SUMF1: variants seen among roughly 807,000 people sequenced by gnomAD.
SUMF1 encodes formylglycine-generating enzyme.
SUMF1 carries 48 observed loss-of-function variants against 47.6 expected under a neutral mutation model. That is an observed-to-expected ratio of 1.01 (90% CI 0.80 to 1.28). The LOEUF is 1.28. Among genes scored for constraint, SUMF1 ranks in the 50% most tolerant of loss-of-function variants. The probability of loss-of-function intolerance (pLI) is 0.00; values close to 1 mark genes in which losing one functional copy is unlikely to be tolerated. For missense variants in SUMF1, 571 were observed against 485.4 expected (o/e 1.18, Z -1.66); for synonymous variants, 230 against 192.1 (o/e 1.20, Z -1.63).
At chr3:4,233,061 C>T (rs1404723004) in intron 8 of SUMF1, among the ~76,000 whole-genome samples, 1 of 152,128 alleles carries the variant, frequency 6.6e-6, no homozygotes, top group Non-Finnish European at 1.5e-5. Flanking sequence ...TGTACCCACT[C>T]CTAAGCCAGG....
In SUMF1 at chr3:4,410,931, C is replaced by A. The variant is rs771554864; in HGVS notation, c.888G>T (p.Gly296=). 1.2e-6 allele frequency: 2 copies of A among 1,613,950 alleles called. No homozygotes were observed. The highest frequency in any genetic ancestry group is 2.2e-5 in the East Asian group (1 of 44,890). ...AGTCTGAAGTCCATTCCCATGCGTT[C>A]CCCACTATGTTGTATAAGCCATAAC... ...PNGYGLYNIV[G]NAWEWTSDWW... The change falls in exon 7 of 9, where the codon GGG becomes GGT. Residue 296 remains glycine, a synonymous_variant. Transcript: ENST00000272902.
chr3:4,257,831 T>C (rs2125019203), intron 8 of SUMF1, among the ~76,000 whole-genome samples: 1 of 151,644 alleles, frequency 6.6e-6, no homozygotes, highest in East Asian at 1.9e-4. Flanking sequence ...AGAACAAAGC[T>C]GGAAGCATCA....
In SUMF1 at chr3:4,376,344, A is replaced by G. The variant is rs1700327797; in HGVS notation, c.1000T>C (p.Tyr334His). Residue 334 changes from tyrosine (Y) to histidine (H), a missense_variant, in exon 8 of 9, where the codon TAC becomes CAC. Transcript: ENST00000272902. ...GKDRVKKGGS[Y>H]MCHRSYCYRY... ...ACATGACTTACCCTATGGCACATGT[A>G]GGATCCACCTTTCTTCACTCGGTCT... is the stretch of plus-strand genomic sequence containing the variant. 1 of 1,614,196 alleles carries G rather than the reference A, an allele frequency of 6.2e-7. No individual in the cohort carries two copies. Among genetic ancestry groups the G allele is most frequent in the African/African-American group, 1.3e-5 (1 of 75,062 alleles).
intron 8 of SUMF1, among the ~76,000 whole-genome samples, chr3:4,120,426 A>T (rs1344819843): frequency 6.6e-6 from 1 of 152,190 alleles, no homozygotes; most frequent in Non-Finnish European, 1.5e-5. Context: ...TTACAAAAAG[A>T]TATTTCAAAG....
At chr3:4,122,922 A>G (rs1215671113) in intron 8 of SUMF1, among the ~76,000 whole-genome samples, 1 of 152,206 alleles carries the variant, frequency 6.6e-6, no homozygotes, top group Non-Finnish European at 1.5e-5. Context: ...CCACCCAGGC[A>G]CTGGGGGACA....
chr3:4,322,073 C>CT (rs1165723003), intron 8 of SUMF1, among the ~76,000 whole-genome samples: 1 of 152,148 alleles, frequency 6.6e-6, no homozygotes, highest in Non-Finnish European at 1.5e-5. Context: ...CTACAAAATA[C>CT]TTGAACATTA....
chr3:4,134,022 G>A (rs1358941310), intron 8 of SUMF1, among the ~76,000 whole-genome samples: 5 of 151,998 alleles, frequency 3.3e-5, no homozygotes, highest in African/African-American at 4.8e-5. Context: ...AATAATGGGA[G>A]ACTTTAACAA....
chr3:4,237,393 T>C (rs897674301), intron 8 of SUMF1, among the ~76,000 whole-genome samples: 2 of 152,162 alleles, frequency 1.3e-5, no homozygotes, highest in South Asian at 2.1e-4. Flanking sequence ...GTTGAACATA[T>C]TTTCTTATGC....
chr3:4,198,872 A>G (rs985494859), intron 8 of SUMF1, among the ~76,000 whole-genome samples: 7 of 152,164 alleles, frequency 4.6e-5, no homozygotes, highest in African/African-American at 1.7e-4. Flanking sequence ...CCAAAAAGAA[A>G]AAAAAAGAGT....
intron 8 of SUMF1, among the ~76,000 whole-genome samples, chr3:4,167,928 G>C (rs1230884150): frequency 1.3e-5 from 2 of 152,128 alleles, no homozygotes; most frequent in Non-Finnish European, 2.9e-5. Flanking sequence ...TTTGTCACTT[G>C]CTTCTTGGAA....
intron 3 of SUMF1, among the ~76,000 whole-genome samples, chr3:4,442,791 C>G (rs930242943): frequency 1.3e-5 from 2 of 151,840 alleles, no homozygotes; most frequent in Non-Finnish European, 2.9e-5. Context: ...TACCCTGAAC[C>G]ATGTCTCTTT....
intron 8 of SUMF1, among the ~76,000 whole-genome samples, chr3:4,195,007 G>T (rs1214363075): frequency 6.6e-6 from 1 of 152,100 alleles, no homozygotes; most frequent in Non-Finnish European, 1.5e-5. Context: ...TTAAAGTAAA[G>T]CAATTAGGTC....
At chr3:4,304,642 T>G (rs1346104007) in intron 8 of SUMF1, among the ~76,000 whole-genome samples, 1 of 152,234 alleles carries the variant, frequency 6.6e-6, no homozygotes, top group African/African-American at 2.4e-5. Flanking sequence ...GCATAGCCCC[T>G]TTAACATCCA....
chr3:4,192,675 G>A (rs1288553001), intron 8 of SUMF1, among the ~76,000 whole-genome samples: 1 of 152,110 alleles, frequency 6.6e-6, no homozygotes, highest in African/African-American at 2.4e-5. Context: ...TTATGCTAAT[G>A]AGGTAACTCA....
intron 8 of SUMF1, among the ~76,000 whole-genome samples, chr3:4,354,217 A>G (rs1309435920): frequency 6.6e-6 from 1 of 152,180 alleles, no homozygotes; most frequent in Non-Finnish European, 1.5e-5. Context: ...AACCAGTAAT[A>G]TCAAAGAAGG....
chr3:4,155,654 C>T lies in SUMF1; in HGVS notation c.1015-86909G>A, dbSNP rs957890112. 2.0e-5 allele frequency among the ~76,000 whole-genome samples: 3 copies of T among 151,474 alleles called. No individual in the cohort carries two copies. The East Asian group carries it at 5.8e-4, about 29-fold the overall frequency. ...GCTCAGCTTTAAACCTGGCTCCTAG[C>T]CTTCACAACAAATCTGTTTCCCAAC... is the stretch of plus-strand genomic sequence containing the variant. On this transcript the variant is annotated intron_variant and NMD_transcript_variant, in intron 8 of 12. Coordinates refer to the SUMF1 transcript ENST00000448413.
intron 1 of SUMF1, among the ~76,000 whole-genome samples, chr3:4,462,334 G>C (rs2079834278): frequency 1.3e-5 from 2 of 152,212 alleles, no homozygotes; most frequent in South Asian, 4.2e-4. Context: ...TTCTCTTCTA[G>C]TTATCTTATC....
intron 8 of SUMF1, among the ~76,000 whole-genome samples, chr3:4,209,713 C>T (rs184474155): frequency 1.3e-5 from 2 of 152,094 alleles, no homozygotes; most frequent in East Asian, 3.9e-4. Flanking sequence ...CAACTATATG[C>T]TAACAAGTAA....
intron 3 of SUMF1, among the ~76,000 whole-genome samples, chr3:4,438,233 A>C (rs780841346): frequency 0.36 from 47,286 of 130,986 alleles, 7,803 homozygotes; most frequent in East Asian, 0.56. Flanking sequence ...TAAGAGCAAA[A>C]AAAAAAAAAG....
Sources: gnomAD v4.1 joint callset for allele counts (sites outside exome capture counted in the v4.1 genomes callset) on GRCh38, gnomAD v4.1.1 for gene constraint, MANE v1.5 for transcripts, NCBI Gene and HGNC (gene_info 2026-07-23, HGNC 2026-07-21) for gene names.